The following CCDC22 variants were observed in gnomAD, a reference collection of about 807,000 sequenced individuals.
CCDC22 encodes coiled-coil domain-containing protein 22.
CCDC22 carries 4 observed loss-of-function variants against 53.1 expected under a neutral mutation model. The ratio of observed to expected loss-of-function variants is 0.08; its 90% CI spans 0.04 to 0.17. CCDC22 has a LOEUF of 0.17. CCDC22 is among the 10% of genes least tolerant of loss of function. The pLI is 1.00. For missense variants in CCDC22, 458 were observed against 554.0 expected (o/e 0.83, Z 1.74); for synonymous variants, 222 against 224.4 (o/e 0.99, Z 0.10).
At position 49,249,721 on chromosome X, in the gene CCDC22, A is replaced by G. The variant is rs1557115113; in HGVS notation, c.1766A>G (p.Glu589Gly). 8.3e-7 allele frequency: 1 copy of G among 1,204,272 alleles called. No individual in the cohort carries two copies. Among genetic ancestry groups the G allele is most frequent in the African/African-American group, 1.7e-5 (1 of 57,531 alleles). Residue 589 changes from glutamate to glycine, a missense_variant, in exon 16 of 17, where the codon GAG becomes GGG. Glu to Gly is a moderately conservative substitution (Grantham distance 98). Around this residue, in one of 4 missense-constraint regions of CCDC22, gnomAD observed 46 missense variants for 52.3 expected, o/e 0.88. Coordinates refer to ENST00000376227, the MANE Select transcript of CCDC22 (RefSeq NM_014008.5). ...TIMREVRDLE[E>G]QIETELGKKT... ...ATGCGGGAGGTTCGAGACCTCGAGG[A>G]GCAGGTGAGGCCTGGGGGCAGGATG...
intron 1 of CCDC22, among the ~76,000 whole-genome samples, chrX:49,236,456 C>G (rs1279874086): frequency 1.8e-5 from 2 of 110,677 alleles, no homozygotes; most frequent in Non-Finnish European, 3.8e-5. Flanking sequence ...GATCTGCCCG[C>G]CTCCGCCTCC....
At position 49,247,536 on chromosome X, in the gene CCDC22, C is replaced by G; in HGVS notation, c.950C>G (p.Ala317Gly). The part of the protein sequence containing the change: ...AQATQVSDVP[A>G]TSRRPEQVTW... The stretch of plus-strand genomic sequence containing the variant: ...GCCACTCAGGTGTCAGATGTGCCAG[C>G]CACCTCCCGGCGGCCTGAACAGGTG... Residue 317 changes from alanine (A) to glycine (G), a missense_variant, in exon 8 of 17, where the codon GCC (alanine) becomes GGC (glycine). This residue lies in a region of CCDC22 where 309 missense variants were observed against 312.3 expected (regional missense o/e 0.99). Coordinates refer to ENST00000376227, the MANE Select transcript of CCDC22 (RefSeq NM_014008.5). The G allele has an allele frequency of 8.3e-7, 1 of 1,199,215 alleles. No individual in the cohort carries two copies. Among genetic ancestry groups the G allele is most frequent in the Non-Finnish European group, 1.1e-6 (1 of 889,404 alleles).
intron 15 of CCDC22, 36 bp from the exon 16 acceptor site, chrX:49,249,615 G>GGGGGGGGGGGA: frequency 7.4e-6 from 3 of 406,739 alleles, no homozygotes; most frequent in Non-Finnish European, 1.4e-5. Context: ...GGGTGGGTGG[G>GGGGGGGGGGGA]ACTGGGTGCA....
In CCDC22 at chrX:49,246,743, G is replaced by T; in HGVS notation, c.727G>T (p.Ala243Ser). Reference sequence around the variant, plus strand: ...CTTTTCTCCCCAGGAGGACACACGGGCTCAGCGGCAGCGGCTGCAAAAGCA... The same window carrying T: ...CTTTTCTCCCCAGGAGGACACACGGTCTCAGCGGCAGCGGCTGCAAAAGCA... Reference protein sequence around the residue: ...SRLPPQEDTRAQRQRLQKQLT... With the variant: ...SRLPPQEDTRSQRQRLQKQLT... The change falls in exon 7 of 17, where the codon GCT becomes TCT. Residue 243 changes from alanine to serine, a missense_variant. Ala to Ser is a moderately conservative substitution (Grantham distance 99). This residue lies in a region of CCDC22 where 309 missense variants were observed against 312.3 expected (regional missense o/e 0.99). Coordinates refer to ENST00000376227, the MANE Select transcript of CCDC22 (RefSeq NM_014008.5). 8.6e-7 allele frequency: 1 copy of T among 1,158,964 alleles called. No individual in the cohort carries two copies. The highest frequency in any genetic ancestry group is 2.5e-5 in the Admixed American group (1 of 40,558).
chrX:49,248,549 G>C (rs2066004023), intron 11 of CCDC22, 26 bp downstream of exon 11: 1 of 1,190,481 alleles, frequency 8.4e-7, no homozygotes, highest in African/African-American at 1.8e-5. Flanking sequence ...CTGGGCTGTG[G>C]GCGGGCCAGG....
In CCDC22 at chrX:49,247,649, G is replaced by T. The variant is rs782036247; in HGVS notation, c.973G>T (p.Val325Phe). The T allele has an allele frequency of 2.4e-5, 29 of 1,191,267 alleles. No homozygotes were observed. The African/African-American group carries it at 4.6e-4, about 19-fold the overall frequency. ...ACCCTGACTGGCCTGGGCCTCCCAG[G>T]TCACGTGGGCAGCTCAGGAACAGGA... is the stretch of plus-strand genomic sequence containing the variant. The part of the protein sequence containing the change: ...VPATSRRPEQ[V>F]TWAAQEQELE... The change falls in exon 9 of 17, where the codon GTC (valine) becomes TTC (phenylalanine). Residue 325 changes from valine (V) to phenylalanine (F), a missense_variant and splice_region_variant. By Grantham distance (50) the Val-to-Phe change is conservative. Transcript: ENST00000376227.
At chrX:49,235,995 C>T (rs1487943272) in intron 1 of CCDC22, among the ~76,000 whole-genome samples, 1 of 108,974 alleles carries the variant, frequency 9.2e-6, no homozygotes, top group Non-Finnish European at 1.9e-5. Flanking sequence ...CCTCAAGACC[C>T]GGAACCCTGT....
At chrX:49,247,986 G>A (rs144602057) in intron 9 of CCDC22, among the ~76,000 whole-genome samples, 2,916 of 111,070 alleles carry the variant, frequency 0.026, 102 homozygotes, top group African/African-American at 0.091. Flanking sequence ...GGGTCTGCAT[G>A]GGCAGGGGAT....
At chrX:49,249,830 C>T in intron 16 of CCDC22, 105 bp downstream of exon 16, 1 of 682,346 alleles carries the variant, frequency 1.5e-6, no homozygotes, top group East Asian at 3.4e-5. Flanking sequence ...TGGCTGGACA[C>T]CCAGCCCTGC....
intron 14 of CCDC22, 104 bp from the exon 15 acceptor site, chrX:49,249,405 G>A (rs1439675566): frequency 2.2e-6 from 2 of 928,691 alleles, no homozygotes; most frequent in East Asian, 6.2e-5. Flanking sequence ...TTTGTTTCAT[G>A]GAGGATGAAG....
intron 2 of CCDC22, among the ~76,000 whole-genome samples, chrX:49,239,976 A>G (rs2065955540): frequency 9.1e-6 from 1 of 109,589 alleles, no homozygotes; most frequent in Non-Finnish European, 1.9e-5. Context: ...TGGGCTGGGC[A>G]CGTTGGCTCT....
rs1557115207 is a variant in CCDC22 at position 49,250,212 on chromosome X, C to A, written c.1835C>A (p.Ala612Asp). The A allele has an allele frequency of 8.6e-7, 1 of 1,165,500 alleles. No homozygotes were observed. Among genetic ancestry groups the A allele is most frequent in the Non-Finnish European group, 1.1e-6 (1 of 870,332 alleles). Residue 612 changes from alanine to aspartate, a missense_variant, in exon 17 of 17, where the codon GCC becomes GAC. Physicochemically the swap from Ala to Asp is moderately radical, Grantham distance 126 (BLOSUM62 -2). Around this residue, in one of 4 missense-constraint regions of CCDC22, gnomAD observed 46 missense variants for 52.3 expected, o/e 0.88. Transcript: ENST00000376227. Reference sequence around the variant, plus strand: ...GAGAAGATCCGGGAGGACTACCGAGCCCTCCGCCAGGAGAACGCTGGCCTC... The same window carrying A: ...GAGAAGATCCGGGAGGACTACCGAGACCTCCGCCAGGAGAACGCTGGCCTC... ...NLEKIREDYR[A>D]LRQENAGLLG...
In CCDC22 at chrX:49,247,565, A is replaced by C; in HGVS notation, c.972+7A>C. The C allele has an allele frequency of 8.4e-7, 1 of 1,196,300 alleles. No homozygotes were observed. Among genetic ancestry groups the C allele is most frequent in the Non-Finnish European group, 1.1e-6 (1 of 887,874 alleles). On this transcript the variant is annotated splice_region_variant and intron_variant, in intron 8 of 16. Transcript: ENST00000376227. ...CTCCCGGCGGCCTGAACAGGTGAGC[A>C]GAGTGGTTTGGAGGGGGGTGTCCCA...
At chrX:49,243,485 C>T (rs2147938253) in intron 6 of CCDC22, 23 bp downstream of exon 6, 1 of 1,115,993 alleles carries the variant, frequency 9.0e-7, no homozygotes, top group East Asian at 3.3e-5. Context: ...GCCTGGCTCC[C>T]TGCTGTCTGG....
chrX:49,241,910 G>T, intron 2 of CCDC22, 106 bp from the exon 3 acceptor site: 1 of 926,100 alleles, frequency 1.1e-6, no homozygotes, highest in Non-Finnish European at 1.5e-6. Flanking sequence ...GGGAGGTTGG[G>T]AGGGTGGTGG....
intron 6 of CCDC22, 80 bp from the exon 7 acceptor site, chrX:49,246,651 G>A: frequency 1.1e-6 from 1 of 879,983 alleles, no homozygotes; most frequent in Non-Finnish European, 1.5e-6. Context: ...ACTCTTGTCA[G>A]GGGGTCCTTG....
intron 6 of CCDC22, among the ~76,000 whole-genome samples, chrX:49,244,210 C>T (rs782130182): frequency 8.9e-6 from 1 of 111,835 alleles, no homozygotes; most frequent in East Asian, 2.8e-4. Flanking sequence ...CTCTTTCTTA[C>T]CTCTCTGTCT....
At position 49,242,093 on chromosome X, in the gene CCDC22, C is replaced by G; in HGVS notation, c.306C>G (p.Leu102=). The change falls in exon 3 of 17, where the codon CTC becomes CTG. Residue 102 remains leucine (L), a synonymous_variant. Coordinates refer to ENST00000376227, the MANE Select transcript of CCDC22 (RefSeq NM_014008.5). ...AGCCTGACCTCCGAGACCTGCTTCT[C>G]TTCTTGGCTGAGCGTCTGCCCACCG... ...PSEPDLRDLL[L]FLAERLPTDA... The G allele has an allele frequency of 8.3e-7, 1 of 1,210,868 alleles. No homozygotes were observed. The highest frequency in any genetic ancestry group is 1.1e-6 in the Non-Finnish European group (1 of 895,189).
chrX:49,249,010 G>A, intron 13 of CCDC22, 86 bp downstream of exon 13: 1 of 1,155,628 alleles, frequency 8.7e-7, no homozygotes, highest in Admixed American at 2.5e-5. Flanking sequence ...CTCAGGCAGA[G>A]CTGTCCAGTC....
Sources: allele counts gnomAD v4.1 joint callset (sites outside exome capture counted in the v4.1 genomes callset), GRCh38; gene constraint gnomAD v4.1.1; regional missense constraint gnomAD v4.1.1; transcripts MANE v1.5; gene names NCBI Gene and HGNC (gene_info 2026-07-23, HGNC 2026-07-21).